Variants in CLECL1 observed in about 807,000 individuals in gnomAD.
CLECL1 encodes C-type lectin like 1.
downstream of CLECL1, among the ~76,000 whole-genome samples, chr12:9,712,902 A>G (rs1239098044): frequency 2.0e-5 from 3 of 152,216 alleles, no homozygotes; most frequent in Non-Finnish European, 2.9e-5. Flanking sequence ...TAGACAAATT[A>G]ATAACTATAT....
At chr12:9,720,644 A>C (rs1193675814), downstream of CLECL1, among the ~76,000 whole-genome samples, 1 of 151,896 alleles carries the variant, frequency 6.6e-6, no homozygotes, top group Non-Finnish European at 1.5e-5. Context: ...CCCAGCCGCC[A>C]CCTCTGTATT....
chr12:9,710,795 G>A, the CLECL1 span, among the ~76,000 whole-genome samples: 1 of 152,142 alleles, frequency 6.6e-6, no homozygotes, highest in African/African-American at 2.4e-5. Context: ...AGTTTGGCTG[G>A]GGCAGCTGGA....
At chr12:9,702,829 A>G in the CLECL1 span, among the ~76,000 whole-genome samples, 1 of 152,200 alleles carries the variant, frequency 6.6e-6, no homozygotes, top group African/African-American at 2.4e-5. Flanking sequence ...TGGGTCTGCT[A>G]ATGAGTTGGT....
At chr12:9,708,680 A>C in the CLECL1 span, among the ~76,000 whole-genome samples, 1 of 152,142 alleles carries the variant, frequency 6.6e-6, no homozygotes, top group East Asian at 1.9e-4. Flanking sequence ...GTTAACTCCT[A>C]TTCTCCGGAT....
In CLECL1 at chr12:9,732,935, T is replaced by A; in HGVS notation, n.82+14A>T. Reference sequence around the variant, plus strand: ...AAAATCTTAATTCTCAAAGGCACCCTAAATCCAGCTTACCAGATCTCTGAA... The same window carrying A: ...AAAATCTTAATTCTCAAAGGCACCCAAAATCCAGCTTACCAGATCTCTGAA... On this transcript the variant is annotated intron_variant and non_coding_transcript_variant, in intron 1 of 3. Coordinates refer to ENST00000621400, the Ensembl canonical transcript of CLECL1. 6.3e-7 allele frequency: 1 copy of A among 1,575,844 alleles called. No individual in the cohort carries two copies. Among genetic ancestry groups the A allele is most frequent in the Non-Finnish European group, 8.6e-7 (1 of 1,159,218 alleles).
At chr12:9,715,142 GC>G (rs1861486729), downstream of CLECL1, among the ~76,000 whole-genome samples, 1 of 152,076 alleles carries the variant, frequency 6.6e-6, no homozygotes. Flanking sequence ...TTTCTAAGTA[GC>G]CTAAATGAAT....
At chr12:9,704,161 A>T in the CLECL1 span, 4 of 152,202 alleles carry the variant, frequency 2.6e-5, no homozygotes, top group Non-Finnish European at 4.4e-5. Flanking sequence ...ATTTATGGTA[A>T]GTTCATAGTA....
At chr12:9,709,873 C>A in the CLECL1 span, among the ~76,000 whole-genome samples, 12 of 152,152 alleles carry the variant, frequency 7.9e-5, no homozygotes, top group Admixed American at 3.3e-4. Flanking sequence ...CATTAGAGGA[C>A]CTCCTGAAAG....
intron 1 of CLECL1, 27 bp downstream of exon 1, chr12:9,732,922 C>A (rs751550011): frequency 6.5e-7 from 1 of 1,539,482 alleles, no homozygotes; most frequent in Non-Finnish European, 8.8e-7. Context: ...AATCTTAATT[C>A]TCAAAGGCAC....
At chr12:9,731,012 C>A (rs933041883) in intron 1 of CLECL1, among the ~76,000 whole-genome samples, 1 of 152,138 alleles carries the variant, frequency 6.6e-6, no homozygotes, top group Non-Finnish European at 1.5e-5. Context: ...ATATGACGAA[C>A]TGAAATTATG....
the CLECL1 span, among the ~76,000 whole-genome samples, chr12:9,706,409 G>A: frequency 6.6e-6 from 1 of 152,170 alleles, no homozygotes; most frequent in Non-Finnish European, 1.5e-5. Flanking sequence ...AAGGTGTAGT[G>A]AGAGAGGTTA....
upstream of CLECL1, among the ~76,000 whole-genome samples, chr12:9,733,484 A>G (rs1462476517): frequency 2.6e-5 from 4 of 152,316 alleles, no homozygotes; most frequent in Non-Finnish European, 5.9e-5. Context: ...GGATTTTATT[A>G]CGAAAGTTAC....
chr12:9,727,092 C>T (rs1464393654), intron 3 of CLECL1, among the ~76,000 whole-genome samples: 1 of 151,222 alleles, frequency 6.6e-6, no homozygotes, highest in Non-Finnish European at 1.5e-5. Flanking sequence ...ATCAAATAAC[C>T]TAAGAAAATT....
downstream of CLECL1, among the ~76,000 whole-genome samples, chr12:9,719,507 A>C (rs147854754): frequency 3.3e-5 from 5 of 152,282 alleles, no homozygotes; most frequent in African/African-American, 4.8e-5. Flanking sequence ...GCCTGGGCGA[A>C]AGAGCGAGAC....
chr12:9,703,412 T>C, the CLECL1 span, among the ~76,000 whole-genome samples: 13 of 149,034 alleles, frequency 8.7e-5, no homozygotes, highest in Non-Finnish European at 1.3e-4. Flanking sequence ...ATTTATTTAT[T>C]GAGACAAGGT....
intron 3 of CLECL1, among the ~76,000 whole-genome samples, chr12:9,724,267 AAC>A (rs1866350294): frequency 6.6e-6 from 1 of 152,150 alleles, no homozygotes; most frequent in African/African-American, 2.4e-5. Flanking sequence ...TATGTGAGAA[AAC>A]ACAGACTTCT....
downstream of CLECL1, among the ~76,000 whole-genome samples, chr12:9,719,123 G>A (rs1866275239): frequency 6.6e-6 from 1 of 152,178 alleles, no homozygotes; most frequent in African/African-American, 2.4e-5. Context: ...GGTCTTTAAT[G>A]TGGGCTTTGA....
chr12:9,732,569 AT>A (rs1866460064), intron 1 of CLECL1, among the ~76,000 whole-genome samples: 1 of 152,212 alleles, frequency 6.6e-6, no homozygotes, highest in South Asian at 2.1e-4. Flanking sequence ...TGCCACAGGT[AT>A]TTTTCCCAGT....
chr12:9,710,809 CAG>C, the CLECL1 span, among the ~76,000 whole-genome samples: 3 of 152,186 alleles, frequency 2.0e-5, no homozygotes, highest in African/African-American at 2.4e-5. Context: ...AGCTGGAGGA[CAG>C]TCTGGGCCAC....
Sources: allele counts gnomAD v4.1 joint callset (sites outside exome capture counted in the v4.1 genomes callset), GRCh38; gene constraint gnomAD v4.1.1; transcripts MANE v1.5; gene names NCBI Gene and HGNC (gene_info 2026-07-23, HGNC 2026-07-21).